Variants in HIVEP1 observed in about 807,000 individuals in gnomAD.
HIVEP1 encodes HIVEP zinc finger 1, also known as zinc finger protein 40.
In HIVEP1, 36 loss-of-function variants were observed where a neutral mutation model predicts 180.0. The ratio of observed to expected loss-of-function variants is 0.20; its 90% CI spans 0.15 to 0.26. The LOEUF is 0.26. HIVEP1 is among the 10% of genes least tolerant of loss of function. The pLI is 1.00. For synonymous variants in HIVEP1, 1,239 were observed against 1,239.0 expected (o/e 1.00, Z 0.00); for missense variants, 3,143 against 3,268.7 (o/e 0.96, Z 0.94).
the HIVEP1 span, among the ~76,000 whole-genome samples, chr6:12,211,389 G>A: frequency 1.6e-5 from 1 of 61,046 alleles, no homozygotes; most frequent in African/African-American, 6.5e-5. Flanking sequence ...GACAGAGCGA[G>A]ACTCTGTCTC....
At chr6:12,147,949 AGATGAG>A (rs1355136064) in intron 7 of HIVEP1, among the ~76,000 whole-genome samples, 1 of 152,194 alleles carries the variant, frequency 6.6e-6, no homozygotes, top group African/African-American at 2.4e-5. Context: ...CTCTGGTAAA[AGATGAG>A]GCCTGTACTT....
At chr6:12,208,911 C>T in the HIVEP1 span, among the ~76,000 whole-genome samples, 4 of 152,164 alleles carry the variant, frequency 2.6e-5, no homozygotes, top group Non-Finnish European at 5.9e-5. Flanking sequence ...GTGGGTGTTG[C>T]GTTTATGCAA....
intron 4 of HIVEP1, 36 bp from the exon 5 acceptor site, chr6:12,129,723 T>C (rs1758313480): frequency 3.9e-6 from 6 of 1,537,314 alleles, no homozygotes; most frequent in Non-Finnish European, 5.4e-6. Context: ...GTGTTTTCAG[T>C]TTTATTAAAT....
At chr6:12,172,673 T>G in the HIVEP1 span, among the ~76,000 whole-genome samples, 1 of 152,250 alleles carries the variant, frequency 6.6e-6, no homozygotes, top group Non-Finnish European at 1.5e-5. Context: ...TATTTTTAAT[T>G]TTAACATTTA....
At chr6:12,074,643 T>TGTGTGTGTGTGTGTGTATGTGTGTGC (rs573970756) in intron 2 of HIVEP1, among the ~76,000 whole-genome samples, 10,204 of 148,016 alleles carry the variant, frequency 0.069, 494 homozygotes, top group Non-Finnish European at 0.1. Context: ...TGTGTGTGTG[T>TGTGTGTGTGTGTGTGTATGTGTGTGC]GCGCGCGCGT....
At chr6:12,168,273 TATAC>T (rs1340350305), downstream of HIVEP1, among the ~76,000 whole-genome samples, 132 of 130,648 alleles carry the variant, frequency 1.0e-3, 2 homozygotes, top group African/African-American at 3.6e-3. Flanking sequence ...TATATACATA[TATAC>T]ATATATTATA....
At chr6:12,085,565 A>G (rs1343900287) in intron 2 of HIVEP1, among the ~76,000 whole-genome samples, 1 of 152,146 alleles carries the variant, frequency 6.6e-6, no homozygotes, top group Admixed American at 6.6e-5. Flanking sequence ...TTTTCCCTGT[A>G]ACTGTTCACA....
the HIVEP1 span, among the ~76,000 whole-genome samples, chr6:12,183,974 AAGATAGATAGATAGAT>A: frequency 2.2e-4 from 30 of 134,876 alleles, no homozygotes; most frequent in South Asian, 1.3e-3. Flanking sequence ...TCACATTGTA[AAGATAGATAGATAGAT>A]AGATAGATAG....
chr6:12,207,028 G>A, the HIVEP1 span, among the ~76,000 whole-genome samples: 25 of 152,210 alleles, frequency 1.6e-4, no homozygotes, highest in Middle Eastern at 3.4e-3. Context: ...AATACAACAC[G>A]AGGAAATTGG....
rs1483255486 is a variant in HIVEP1 at position 12,121,252 on chromosome 6, A to T, written c.1457A>T (p.His486Leu). 4 of 1,614,046 alleles carry T rather than the reference A, an allele frequency of 2.5e-6. No individual in the cohort carries two copies. The highest frequency in any genetic ancestry group is 3.4e-6 in the Non-Finnish European group (4 of 1,180,042). The change falls in exon 4 of 9, where the codon CAT (histidine) becomes CTT (leucine). Residue 486 changes from histidine to leucine, a missense_variant. His to Leu is a moderately conservative substitution (Grantham distance 99, BLOSUM62 -3). Coordinates refer to ENST00000379388, the MANE Select transcript of HIVEP1 (RefSeq NM_002114.4). This position sits in a 1 kb window ranked among gnomAD's most constrained non-coding sequence, Gnocchi z 5.3. ...GAGTCCCCCAAAGCACTTAGTATTC[A>T]TTCAGACGTAGAAGACAGTGGGGAG... ...SHESPKALSI[H>L]SDVEDSGESE...
Position 12,120,896 on chromosome 6 carries a change from G to T in HIVEP1, c.1101G>T (p.Gln367His). 1 of 1,614,108 alleles carries T rather than the reference G, an allele frequency of 6.2e-7. No individual in the cohort carries two copies. The highest frequency in any genetic ancestry group is 8.5e-7 in the Non-Finnish European group (1 of 1,180,038). ...PLSISPANST[Q>H]SPPMPIYNST... ...CAATAAGTCCGGCTAATTCTACACA[G>T]TCGCCCCCCATGCCAATCTATAATT... The change falls in exon 4 of 9, where the codon CAG becomes CAT. Residue 367 changes from glutamine (Q) to histidine (H), a missense_variant. Gln to His is a conservative substitution (Grantham distance 24). Transcript: ENST00000379388.
chr6:12,087,980 C>T (rs1442687814), intron 2 of HIVEP1, among the ~76,000 whole-genome samples: 1 of 152,140 alleles, frequency 6.6e-6, no homozygotes, highest in African/African-American at 2.4e-5. Context: ...TTCAAACTAG[C>T]TTGCTTCCTT....
chr6:12,187,129 T>C, the HIVEP1 span, among the ~76,000 whole-genome samples: 1 of 152,156 alleles, frequency 6.6e-6, no homozygotes, highest in South Asian at 2.1e-4. Flanking sequence ...TTGGTTGAAA[T>C]ATTATCAAGT....
At chr6:12,170,175 T>A in the HIVEP1 span, among the ~76,000 whole-genome samples, 1 of 152,036 alleles carries the variant, frequency 6.6e-6, no homozygotes, top group African/African-American at 2.4e-5. Context: ...AAATGATGCC[T>A]GTCCTTCAGG....
the HIVEP1 span, among the ~76,000 whole-genome samples, chr6:12,185,773 G>A: frequency 6.6e-6 from 1 of 152,196 alleles, no homozygotes; most frequent in Non-Finnish European, 1.5e-5. Context: ...TGGAGTGGCT[G>A]TAATAAGAAA....
At position 12,120,487 on chromosome 6, in the gene HIVEP1, G is replaced by A. The variant is rs752980771; in HGVS notation, c.692G>A (p.Arg231His). 5.6e-6 allele frequency: 9 copies of A among 1,614,114 alleles called. No individual in the cohort carries two copies. Among genetic ancestry groups the A allele is most frequent in the Middle Eastern group, 1.6e-4 (1 of 6,062 alleles). The stretch of plus-strand genomic sequence containing the variant: ...AAACTGAGGCCAAATAAAACTGCAC[G>A]TTCCCCTCCCAAATTAAAAAACAGT... ...TEKLRPNKTA[R>H]SPPKLKNSSM... Residue 231 changes from arginine (R) to histidine (H), a missense_variant, in exon 4 of 9, where the codon CGT becomes CAT. Around this residue, in one of 12 missense-constraint regions of HIVEP1, gnomAD observed 306 missense variants for 310.6 expected, o/e 0.99. Coordinates refer to ENST00000379388, the MANE Select transcript of HIVEP1 (RefSeq NM_002114.4).
the HIVEP1 span, among the ~76,000 whole-genome samples, chr6:12,192,560 C>T: frequency 1.3e-3 from 192 of 152,184 alleles, no homozygotes; most frequent in Non-Finnish European, 2.2e-3. Context: ...TTGCTGTTGT[C>T]GTGATAGGGA....
At chr6:12,075,134 C>T (rs75759007) in intron 2 of HIVEP1, among the ~76,000 whole-genome samples, 23,154 of 152,234 alleles carry the variant, frequency 0.15, 2,339 homozygotes, top group Non-Finnish European at 0.23. Context: ...TTCATGCACA[C>T]GCACAGGCAC....
intron 2 of HIVEP1, among the ~76,000 whole-genome samples, chr6:12,058,069 G>T (rs894328641): frequency 2.6e-5 from 4 of 152,136 alleles, no homozygotes; most frequent in Admixed American, 1.3e-4. Flanking sequence ...ATAAGTCCCT[G>T]AGGCCAGCAT....
Sources: allele counts gnomAD v4.1 joint callset (sites outside exome capture counted in the v4.1 genomes callset), GRCh38; gene constraint gnomAD v4.1.1; regional missense constraint gnomAD v4.1.1; non-coding constraint Gnocchi (gnomAD v3.1); transcripts MANE v1.5; gene names NCBI Gene and HGNC (gene_info 2026-07-23, HGNC 2026-07-21).